IPO11: variants seen among roughly 807,000 people sequenced by gnomAD.
The protein encoded by IPO11 is importin 11.
In IPO11, 66 loss-of-function variants were observed where a neutral mutation model predicts 143.2. The ratio of observed to expected loss-of-function variants is 0.46; its 90% CI spans 0.38 to 0.57. The LOEUF (loss-of-function observed/expected upper bound fraction) is 0.57. IPO11 is among the 20% of genes least tolerant of loss of function. IPO11 has a pLI of 0.00. For missense variants in IPO11, 1,026 were observed against 1,141.0 expected (o/e 0.90, Z 1.45); for synonymous variants, 385 against 377.8 (o/e 1.02, Z -0.22).
intron 27 of IPO11, among the ~76,000 whole-genome samples, chr5:62,568,621 TG>T (rs1285079464): frequency 6.7e-6 from 1 of 150,200 alleles, no homozygotes. Context: ...TTAAATTTTT[TG>T]ATAAGTTCCT....
At chr5:62,540,030 T>A (rs533565599) in intron 24 of IPO11, among the ~76,000 whole-genome samples, 38 of 152,344 alleles carry the variant, frequency 2.5e-4, no homozygotes, top group Non-Finnish European at 4.6e-4. Flanking sequence ...TATGCCTGTT[T>A]TAACCTTTCT....
chr5:62,487,499 C>T (rs902292380), intron 12 of IPO11, among the ~76,000 whole-genome samples: 3 of 152,024 alleles, frequency 2.0e-5, no homozygotes, highest in African/African-American at 7.2e-5. Context: ...TTAAAATGTA[C>T]ACTTTGCTTG....
intron 21 of IPO11, among the ~76,000 whole-genome samples, chr5:62,529,367 C>T (rs1464015536): frequency 9.2e-5 from 14 of 152,196 alleles, no homozygotes. Flanking sequence ...ATATCTTTCT[C>T]TTAAGAAAAA....
chr5:62,560,096 A>T (rs915687992), intron 26 of IPO11, among the ~76,000 whole-genome samples: 2 of 152,154 alleles, frequency 1.3e-5, no homozygotes, highest in Admixed American at 1.3e-4. Context: ...CTTCCAGAAC[A>T]TGCAAGAATG....
intron 25 of IPO11, among the ~76,000 whole-genome samples, 190 bp downstream of exon 25, chr5:62,550,652 T>C (rs1324384832): frequency 6.6e-6 from 1 of 152,212 alleles, no homozygotes; most frequent in Non-Finnish European, 1.5e-5. Flanking sequence ...TTCTTTGACA[T>C]GTGTCTTTCA....
At chr5:62,606,196 T>A (rs1745707439) in intron 29 of IPO11, among the ~76,000 whole-genome samples, 1 of 151,722 alleles carries the variant, frequency 6.6e-6, no homozygotes, top group South Asian at 2.1e-4. Flanking sequence ...AAGAGAAAAG[T>A]TGGGCCAGGC....
At chr5:62,612,086 A>G (rs1362741313) in intron 29 of IPO11, among the ~76,000 whole-genome samples, 1 of 152,164 alleles carries the variant, frequency 6.6e-6, no homozygotes, top group Non-Finnish European at 1.5e-5. Context: ...CCTTCCAAAT[A>G]TTTTATATAC....
chr5:62,560,416 G>A (rs780987138), intron 26 of IPO11, among the ~76,000 whole-genome samples: 5 of 152,156 alleles, frequency 3.3e-5, no homozygotes, highest in Admixed American at 2.6e-4. Context: ...TTTGCTCTTA[G>A]GGTTTTCAGT....
At chr5:62,606,821 G>A (rs1486201584) in intron 29 of IPO11, among the ~76,000 whole-genome samples, 3 of 152,234 alleles carry the variant, frequency 2.0e-5, no homozygotes, top group Admixed American at 6.5e-5. Context: ...TCAAGTATGT[G>A]TAGACTGCAG....
rs1744459776 is a variant in IPO11 at position 62,579,539 on chromosome 5, CTGTT to C, written c.2583-12034_2583-12031del. On this transcript the variant is annotated intron_variant, in intron 27 of 29. Transcript: ENST00000325324. ...CACAAAGAAATACTTGGATGTTCGT[CTGTT>C]TGTCAGCTCTGCACTGGGAGACAAA... 6 of 1,551,102 alleles carry C rather than the reference CTGTT, an allele frequency of 3.9e-6. No homozygotes were observed. In the South Asian group the frequency reaches 5.9e-5, roughly 15 times the overall value.
At chr5:62,448,378 A>G (rs570355676) in intron 3 of IPO11, among the ~76,000 whole-genome samples, 1 of 152,322 alleles carries the variant, frequency 6.6e-6, no homozygotes, top group Non-Finnish European at 1.5e-5. Flanking sequence ...AATCTGCTTC[A>G]TTGATGGTAG....
At chr5:62,454,103 C>G (rs2112166382) in intron 5 of IPO11, among the ~76,000 whole-genome samples, 1 of 152,210 alleles carries the variant, frequency 6.6e-6, no homozygotes, top group Admixed American at 6.5e-5. Context: ...CCACTGCACT[C>G]CAGCCTGGGT....
At chr5:62,537,793 A>ATATATACCTG (rs1278097253) in intron 24 of IPO11, among the ~76,000 whole-genome samples, 1 of 152,034 alleles carries the variant, frequency 6.6e-6, no homozygotes, top group Non-Finnish European at 1.5e-5. Flanking sequence ...TATTATCTTT[A>ATATATACCTG]TATATTATAC....
intron 29 of IPO11, among the ~76,000 whole-genome samples, chr5:62,607,395 A>T (rs1580381761): frequency 6.6e-6 from 1 of 151,778 alleles, no homozygotes; most frequent in Non-Finnish European, 1.5e-5. Flanking sequence ...CTCTCTCTGG[A>T]TGATTTTGAC....
At chr5:62,546,143 GC>G (rs1743169099) in intron 24 of IPO11, among the ~76,000 whole-genome samples, 1 of 152,136 alleles carries the variant, frequency 6.6e-6, no homozygotes, top group Admixed American at 6.5e-5. Flanking sequence ...AAAGACACAT[GC>G]ACACGTATGT....
chr5:62,555,224 AC>A (rs1388352046), intron 26 of IPO11, among the ~76,000 whole-genome samples: 1 of 149,838 alleles, frequency 6.7e-6, no homozygotes, highest in African/African-American at 2.5e-5. Flanking sequence ...TATTAATTTC[AC>A]CAATTCACGA....
intron 26 of IPO11, among the ~76,000 whole-genome samples, chr5:62,553,318 G>T (rs576596877): frequency 3.2e-5 from 4 of 123,712 alleles, no homozygotes; most frequent in Non-Finnish European, 6.7e-5. Context: ...AATAGTATTC[G>T]TGTGAGTGTG....
intron 26 of IPO11, among the ~76,000 whole-genome samples, chr5:62,554,354 A>G (rs1289342914): frequency 1.3e-5 from 2 of 152,054 alleles, no homozygotes; most frequent in Non-Finnish European, 2.9e-5. Flanking sequence ...CTTTTCCCTG[A>G]CCAGAGTCCT....
intron 26 of IPO11, among the ~76,000 whole-genome samples, chr5:62,551,777 A>T (rs1743396336): frequency 6.6e-6 from 1 of 152,164 alleles, no homozygotes; most frequent in Non-Finnish European, 1.5e-5. Context: ...TAAAAATTGT[A>T]GTTGATATCT....
Sources: allele counts gnomAD v4.1 joint callset (sites outside exome capture counted in the v4.1 genomes callset), GRCh38; gene constraint gnomAD v4.1.1; transcripts MANE v1.5; gene names NCBI Gene and HGNC (gene_info 2026-07-23, HGNC 2026-07-21).